Variants in ZC2HC1B observed in about 807,000 individuals in gnomAD.
ZC2HC1B encodes the protein zinc finger C2HC domain-containing protein 1B.
A neutral mutation model predicts 31.0 loss-of-function variants in ZC2HC1B; 36 were observed. That is an observed-to-expected ratio of 1.16 (90% CI 0.89 to 1.54). The LOEUF (loss-of-function observed/expected upper bound fraction) is 1.54. ZC2HC1B is among the 40% of genes most tolerant of loss of function. ZC2HC1B has a pLI of 0.00. For missense variants in ZC2HC1B, 260 were observed against 268.6 expected (o/e 0.97, Z 0.22); for synonymous variants, 73 against 88.0 (o/e 0.83, Z 0.95).
rs1423156186 is a variant in ZC2HC1B, at chr6:143,895,282, C to A, written c.350-3270C>A. ...GGTTCAAGCAATTCTCCTGTTTCAGCCTCCTGAGTAGCTGGGATTACAGGC... is the reference window on the plus strand; with the variant it reads ...GGTTCAAGCAATTCTCCTGTTTCAGACTCCTGAGTAGCTGGGATTACAGGC... On this transcript the variant is annotated intron_variant, in intron 4 of 7. Transcript: ENST00000237275. The surrounding 1 kb of genome is among the most constrained non-coding windows in gnomAD (Gnocchi z 4.8). Among the ~76,000 whole-genome samples, 1 of 152,134 alleles carries A rather than the reference C, an allele frequency of 6.6e-6. No homozygotes were observed. Among genetic ancestry groups the A allele is most frequent in the Non-Finnish European group, 1.5e-5 (1 of 68,020 alleles).
Position 143,864,524 on chromosome 6 carries a change from C to G in ZC2HC1B, c.-16C>G, listed in dbSNP as rs1777232687. 2 of 1,551,428 alleles carry G rather than the reference C, an allele frequency of 1.3e-6. No individual in the cohort carries two copies. The highest frequency in any genetic ancestry group is 2.4e-5 in the South Asian group (2 of 84,060). On this transcript the variant is annotated 5_prime_UTR_variant, in exon 1 of 8. Coordinates refer to ENST00000237275, the MANE Select transcript of ZC2HC1B (RefSeq NM_001013623.3). ...GTAAAAATCTGTGAACACTGTTGCT[C>G]TGAGTTAGGAACAGAATGGCTGGGG...
At chr6:143,875,131 T>A (rs1353968553) in intron 1 of ZC2HC1B, among the ~76,000 whole-genome samples, 1 of 152,210 alleles carries the variant, frequency 6.6e-6, no homozygotes, top group Admixed American at 6.5e-5. Context: ...CCACTGCACC[T>A]GGCCTATTCC....
Position 143,933,880 on chromosome 6 carries a change from G to A in ZC2HC1B, c.599-3769G>A, listed in dbSNP as rs1306467755. 6.6e-6 allele frequency among the ~76,000 whole-genome samples: 1 copy of A among 152,154 alleles called. No homozygotes were observed. Among genetic ancestry groups the A allele is most frequent in the Non-Finnish European group, 1.5e-5 (1 of 68,028 alleles). On this transcript the variant is annotated intron_variant, in intron 6 of 7. Coordinates refer to ENST00000237275, the MANE Select transcript of ZC2HC1B (RefSeq NM_001013623.3). The surrounding 1 kb of genome is among the most constrained non-coding windows in gnomAD (Gnocchi z 6.4). ...CCCCAGATTCTTCTCAAGAGGGTTT[G>A]CACCCAGTCAAAATTATTACAAAGT...
At chr6:143,906,038 A>T (rs1777790507) in intron 6 of ZC2HC1B, among the ~76,000 whole-genome samples, 1 of 152,142 alleles carries the variant, frequency 6.6e-6, no homozygotes, top group Non-Finnish European at 1.5e-5. Context: ...GGTATCCTTC[A>T]CCTTATGGAA....
intron 6 of ZC2HC1B, among the ~76,000 whole-genome samples, chr6:143,907,515 A>C (rs571873712): frequency 8.4e-4 from 128 of 152,166 alleles, no homozygotes; most frequent in African/African-American, 2.8e-3. Context: ...TTTGATTTGC[A>C]TTTCTCTAAT....
In ZC2HC1B at chr6:143,898,703, T is replaced by G; in HGVS notation, c.489+12T>G. 1 of 1,551,870 alleles carries G rather than the reference T, an allele frequency of 6.4e-7. No individual in the cohort carries two copies. Among genetic ancestry groups the G allele is most frequent in the Middle Eastern group, 1.7e-4 (1 of 5,990 alleles). On this transcript the variant is annotated intron_variant, in intron 5 of 7. Transcript: ENST00000237275. ...CATCCAGAGCTCAGGTAACTATCTC[T>G]CCCCAGGTGTTGGCTCTTGTGCCCT...
chr6:143,886,122 C>T lies in ZC2HC1B; in HGVS notation c.181C>T (p.Pro61Ser). 6.5e-7 allele frequency: 1 copy of T among 1,547,752 alleles called. No individual in the cohort carries two copies. Residue 61 changes from proline to serine, a missense_variant, in exon 3 of 8, where the codon CCT (proline) becomes TCT (serine). Pro to Ser is a moderately conservative substitution (Grantham distance 74). Coordinates refer to ENST00000237275, the MANE Select transcript of ZC2HC1B (RefSeq NM_001013623.3). The surrounding 1 kb of genome is among the most constrained non-coding windows in gnomAD (Gnocchi z 4.2). ...GCAAAGATTACAGGGCACTGACATT[C>T]CTACTGTGAAGAAGACTCCACAATC... Reference protein sequence around the residue: ...LKQRLQGTDIPTVKKTPQSKS... With the variant: ...LKQRLQGTDISTVKKTPQSKS...
chr6:143,928,520 A>G (rs545750397), intron 6 of ZC2HC1B, among the ~76,000 whole-genome samples: 2 of 152,228 alleles, frequency 1.3e-5, no homozygotes, highest in South Asian at 4.1e-4. Context: ...ATAGACTTAT[A>G]GTATAATGTG....
rs936747172 is a variant in ZC2HC1B, at chr6:143,886,780, G to C, written c.308G>C (p.Gly103Ala). ...CAGTGTATGCTAGCCATTAAAGAAG[G>C]CCGACCCCTCCCACCTCCACCCCCT... ...AKQCMLAIKE[G>A]RPLPPPPPPS... Residue 103 changes from glycine to alanine, a missense_variant, in exon 4 of 8, where the codon GGC (glycine) becomes GCC (alanine). Transcript: ENST00000237275. The surrounding 1 kb of genome is among the most constrained non-coding windows in gnomAD (Gnocchi z 4.2). The C allele has an allele frequency of 6.5e-7, 1 of 1,547,532 alleles. No homozygotes were observed. Among genetic ancestry groups the C allele is most frequent in the Admixed American group, 2.0e-5 (1 of 50,450 alleles).
At chr6:143,906,202 T>C (rs1243094021) in intron 6 of ZC2HC1B, among the ~76,000 whole-genome samples, 1 of 152,174 alleles carries the variant, frequency 6.6e-6, no homozygotes, top group African/African-American at 2.4e-5. Context: ...ATTAATTCTA[T>C]CTCCTTACTA....
rs1778154392 is a variant in ZC2HC1B at position 143,934,434 on chromosome 6, T to C, written c.599-3215T>C. The stretch of plus-strand genomic sequence containing the variant: ...TTTAATATTATGATTTTGAATTCCT[T>C]TTCTGGCATTTCATCAATTTTTTTG... On this transcript the variant is annotated intron_variant, in intron 6 of 7. Coordinates refer to ENST00000237275, the MANE Select transcript of ZC2HC1B (RefSeq NM_001013623.3). The surrounding 1 kb of genome is among the most constrained non-coding windows in gnomAD (Gnocchi z 4.6). 6.6e-6 allele frequency among the ~76,000 whole-genome samples: 1 copy of C among 152,222 alleles called. No homozygotes were observed. The highest frequency in any genetic ancestry group is 2.1e-4 in the South Asian group (1 of 4,828).
chr6:143,874,891 G>A (rs146197833), intron 1 of ZC2HC1B, among the ~76,000 whole-genome samples: 1 of 152,064 alleles, frequency 6.6e-6, no homozygotes, highest in African/African-American at 2.4e-5. Context: ...GCAGTGCAGT[G>A]GCAAAATCTC....
chr6:143,871,727 T>C lies in ZC2HC1B; in HGVS notation c.28+7160T>C, dbSNP rs1777339292. The stretch of plus-strand genomic sequence containing the variant: ...GGATGTGATACTGTTTTTGATTTAC[T>C]ATTTTTCTAGGTAAAGACAGTGCTT... On this transcript the variant is annotated intron_variant, in intron 1 of 7. Transcript: ENST00000237275. This position sits in a 1 kb window ranked among gnomAD's most constrained non-coding sequence, Gnocchi z 4.1. Among the ~76,000 whole-genome samples, 2 of 152,212 alleles carry C rather than the reference T, an allele frequency of 1.3e-5. No individual in the cohort carries two copies. The highest frequency in any genetic ancestry group is 4.8e-5 in the African/African-American group (2 of 41,450).
At chr6:143,932,192 T>C (rs1289203444) in intron 6 of ZC2HC1B, among the ~76,000 whole-genome samples, 1 of 152,156 alleles carries the variant, frequency 6.6e-6, no homozygotes, top group Non-Finnish European at 1.5e-5. Flanking sequence ...ACTTCATATT[T>C]AGATGTCTAG....
chr6:143,930,714 T>C (rs996876033), intron 6 of ZC2HC1B, among the ~76,000 whole-genome samples: 4 of 152,220 alleles, frequency 2.6e-5, no homozygotes, highest in African/African-American at 9.6e-5. Flanking sequence ...TTTATAGTTT[T>C]ATTCCACTGT....
chr6:143,873,679 C>G (rs920816274), intron 1 of ZC2HC1B, among the ~76,000 whole-genome samples: 2 of 152,260 alleles, frequency 1.3e-5, no homozygotes, highest in Admixed American at 1.3e-4. Context: ...CTTGGGGCTT[C>G]CACCCTCTGA....
In ZC2HC1B at chr6:143,918,972, C is replaced by T. The variant is rs895284288; in HGVS notation, c.598+15820C>T. Among the ~76,000 whole-genome samples, 1 of 151,938 alleles carries T rather than the reference C, an allele frequency of 6.6e-6. No homozygotes were observed. Among genetic ancestry groups the T allele is most frequent in the Admixed American group, 6.6e-5 (1 of 15,250 alleles). On this transcript the variant is annotated intron_variant, in intron 6 of 7. Coordinates refer to ENST00000237275, the MANE Select transcript of ZC2HC1B (RefSeq NM_001013623.3). This position sits in a 1 kb window ranked among gnomAD's most constrained non-coding sequence, Gnocchi z 4.1. ...ATCTTTTTCTTGAGTCTCTTCACAT[C>T]TTTTTTTAGTTCCCTGAGCATCTTC... is the stretch of plus-strand genomic sequence containing the variant.
rs552647823 is a variant in ZC2HC1B at position 143,874,313 on chromosome 6, T to C, written c.28+9746T>C. 8.5e-4 allele frequency among the ~76,000 whole-genome samples: 129 copies of C among 152,308 alleles called. 3 individuals carry two copies. In the South Asian group the frequency reaches 0.025, roughly 30 times the overall value. On this transcript the variant is annotated intron_variant, in intron 1 of 7. Transcript: ENST00000237275. ...TGTCAAAGCCATTCAACAAGTCTCTTGGAGGTTCCAAGCTTTCCCACATTT... is the reference window on the plus strand; with the variant it reads ...TGTCAAAGCCATTCAACAAGTCTCTCGGAGGTTCCAAGCTTTCCCACATTT...
chr6:143,914,378 A>G (rs890514294), intron 6 of ZC2HC1B, among the ~76,000 whole-genome samples: 2 of 152,132 alleles, frequency 1.3e-5, no homozygotes, highest in African/African-American at 4.8e-5. Context: ...AATTTCCACA[A>G]ATTTATGAAT....
Sources: gnomAD v4.1 joint callset for allele counts (sites outside exome capture counted in the v4.1 genomes callset) on GRCh38, gnomAD v4.1.1 for gene constraint, Gnocchi (gnomAD v3.1) non-coding constraint, MANE v1.5 for transcripts, NCBI Gene and HGNC (gene_info 2026-07-23, HGNC 2026-07-21) for gene names.